Variants in LRRTM4 observed in about 807,000 individuals in gnomAD.
LRRTM4 encodes leucine-rich repeat transmembrane neuronal protein 4.
A neutral mutation model predicts 47.6 loss-of-function variants in LRRTM4; 25 were observed. That is an observed-to-expected ratio of 0.53 (90% CI 0.38 to 0.73). The LOEUF is 0.73. LRRTM4 is among the 30% of genes least tolerant of loss of function. The pLI is 0.00. For missense variants in LRRTM4, 638 were observed against 713.4 expected (o/e 0.89, Z 1.20); for synonymous variants, 311 against 269.5 (o/e 1.15, Z -1.51).
At chr2:77,307,013 C>A (rs1322068460) in intron 3 of LRRTM4, among the ~76,000 whole-genome samples, 1 of 150,356 alleles carries the variant, frequency 6.7e-6, no homozygotes, top group Non-Finnish European at 1.5e-5. Flanking sequence ...CATTCTCCTG[C>A]CTCAGCCTCC....
intron 3 of LRRTM4, among the ~76,000 whole-genome samples, chr2:77,156,791 T>G (rs1672572288): frequency 6.6e-6 from 1 of 151,620 alleles, no homozygotes; most frequent in African/African-American, 2.4e-5. Context: ...CACTGCAAGC[T>G]GGCCTCCCTA....
At chr2:77,505,611 A>G (rs1311375158) in intron 3 of LRRTM4, among the ~76,000 whole-genome samples, 1 of 151,576 alleles carries the variant, frequency 6.6e-6, no homozygotes, top group Non-Finnish European at 1.5e-5. Context: ...AAATGTAACT[A>G]TTAAAAAAGA....
In LRRTM4 at chr2:76,777,309, G is replaced by C. The variant is rs1194277390; in HGVS notation, c.1552-28393C>G. On this transcript the variant is annotated intron_variant, in intron 3 of 3. Coordinates refer to ENST00000409884, the MANE Select transcript of LRRTM4 (RefSeq NM_001134745.3). Reference sequence around the variant, plus strand: ...AATTCTGTGAAGAAAGGCATTGGTAGCTTGATGGGGATGGCATTGAATCTG... The same window carrying C: ...AATTCTGTGAAGAAAGGCATTGGTACCTTGATGGGGATGGCATTGAATCTG... Among the ~76,000 whole-genome samples the C allele has an allele frequency of 1.3e-3, 189 of 143,642 alleles. 5 individuals are homozygous for C. The highest frequency in any genetic ancestry group is 0.011 in the Admixed American group (152 of 14,464). The allele number at this position is 143,642 out of a possible 152,430, so 94.2% of individuals were successfully genotyped here. A position where few individuals can be genotyped will look rare whatever the true frequency, so the allele number is the denominator to read the frequency against.
chr2:77,285,209 G>A (rs565729250), intron 3 of LRRTM4, among the ~76,000 whole-genome samples: 16 of 151,060 alleles, frequency 1.1e-4, no homozygotes, highest in East Asian at 9.8e-4. Context: ...AGAGCATTTC[G>A]GCACAAATTC....
chr2:76,762,489 A>G (rs1161501932), intron 3 of LRRTM4, among the ~76,000 whole-genome samples: 1 of 152,150 alleles, frequency 6.6e-6, no homozygotes, highest in East Asian at 1.9e-4. Context: ...AAACTACTTC[A>G]ATGAATGTGT....
At chr2:77,396,454 C>G (rs997517101) in intron 3 of LRRTM4, among the ~76,000 whole-genome samples, 2 of 152,000 alleles carry the variant, frequency 1.3e-5, no homozygotes, top group South Asian at 4.1e-4. Context: ...AGTGCCTAGA[C>G]AGCTTTGCAT....
At chr2:76,974,183 CAT>C (rs1212091446) in intron 3 of LRRTM4, among the ~76,000 whole-genome samples, 3 of 102,434 alleles carry the variant, frequency 2.9e-5, no homozygotes, top group Non-Finnish European at 5.4e-5. Context: ...CATATATATA[CAT>C]ACATATATAT....
chr2:76,884,494 T>G (rs1214767943), intron 3 of LRRTM4, among the ~76,000 whole-genome samples: 1 of 152,200 alleles, frequency 6.6e-6, no homozygotes. Flanking sequence ...TTTATGTACC[T>G]ATTAAAAGGT....
intron 3 of LRRTM4, among the ~76,000 whole-genome samples, chr2:76,890,377 C>T (rs921216908): frequency 5.3e-5 from 8 of 151,998 alleles, no homozygotes; most frequent in Non-Finnish European, 1.2e-4. Flanking sequence ...TCTTAATAAT[C>T]TACTCTACAA....
At chr2:77,010,216 T>C (rs542326014) in intron 3 of LRRTM4, among the ~76,000 whole-genome samples, 1 of 152,022 alleles carries the variant, frequency 6.6e-6, no homozygotes, top group African/African-American at 2.4e-5. Flanking sequence ...CAACAAGATG[T>C]GCAATCGTTT....
chr2:77,095,735 C>T (rs748043646), intron 3 of LRRTM4, among the ~76,000 whole-genome samples: 1 of 152,014 alleles, frequency 6.6e-6, no homozygotes, highest in African/African-American at 2.4e-5. Flanking sequence ...GTCTCCGACT[C>T]CTGACCTTCA....
intron 3 of LRRTM4, among the ~76,000 whole-genome samples, chr2:76,998,771 T>TG (rs1320019535): frequency 1.3e-5 from 2 of 148,246 alleles, no homozygotes; most frequent in African/African-American, 5.0e-5. Context: ...TATTTTCTGT[T>TG]TTTTTTTTTT....
intron 3 of LRRTM4, among the ~76,000 whole-genome samples, chr2:76,953,247 A>G (rs1325508971): frequency 1.3e-5 from 2 of 151,942 alleles, no homozygotes; most frequent in East Asian, 1.9e-4. Flanking sequence ...TGATAACACA[A>G]TAGACTATTC....
chr2:77,398,061 C>A (rs1309139536), intron 3 of LRRTM4, among the ~76,000 whole-genome samples: 2 of 151,850 alleles, frequency 1.3e-5, no homozygotes, highest in African/African-American at 4.8e-5. Flanking sequence ...ACTAGCCTGA[C>A]CCAAAAGAAC....
At chr2:76,795,579 GCACA>G (rs753196049) in intron 3 of LRRTM4, among the ~76,000 whole-genome samples, 1 of 91,936 alleles carries the variant, frequency 1.1e-5, no homozygotes, top group African/African-American at 5.7e-5. Flanking sequence ...GCATATATAT[GCACA>G]CACACACATA....
At chr2:76,761,423 C>A (rs1673250652) in intron 3 of LRRTM4, among the ~76,000 whole-genome samples, 1 of 152,092 alleles carries the variant, frequency 6.6e-6, no homozygotes, top group Admixed American at 6.6e-5. Flanking sequence ...ATATTCTATT[C>A]TTTTGTCTAA....
At chr2:77,219,783 G>A (rs996561175) in intron 3 of LRRTM4, among the ~76,000 whole-genome samples, 1 of 152,186 alleles carries the variant, frequency 6.6e-6, no homozygotes, top group African/African-American at 2.4e-5. Flanking sequence ...TCTGGGGGCA[G>A]GGCATAGACA....
chr2:76,891,508 A>G (rs1023648380), intron 3 of LRRTM4, among the ~76,000 whole-genome samples: 3 of 151,802 alleles, frequency 2.0e-5, no homozygotes, highest in Admixed American at 1.3e-4. Context: ...CAAATTTGTA[A>G]TATCATAGAA....
intron 3 of LRRTM4, among the ~76,000 whole-genome samples, chr2:76,890,620 C>T (rs1673221091): frequency 6.6e-6 from 1 of 151,964 alleles, no homozygotes; most frequent in African/African-American, 2.4e-5. Context: ...TATATATCAA[C>T]TGTATTACAA....
Sources: allele counts gnomAD v4.1 joint callset (sites outside exome capture counted in the v4.1 genomes callset), GRCh38; gene constraint gnomAD v4.1.1; transcripts MANE v1.5; gene names NCBI Gene and HGNC (gene_info 2026-07-23, HGNC 2026-07-21).